Variants in DUSP4 observed in about 807,000 individuals in gnomAD.
The protein encoded by DUSP4 is dual specificity protein phosphatase 4.
A neutral mutation model predicts 27.2 loss-of-function variants in DUSP4; 12 were observed. The ratio of observed to expected loss-of-function variants is 0.44; its 90% confidence interval spans 0.28 to 0.71. The LOEUF (loss-of-function observed/expected upper bound fraction) is 0.71, where lower values mean the gene tolerates loss of function less well. Ranked by LOEUF, DUSP4 falls within the 30% of genes least tolerant of loss-of-function variation. The pLI is 0.14. For synonymous variants in DUSP4, 257 were observed against 245.2 expected, an observed-to-expected ratio of 1.05 and a Z score of -0.45; for missense variants, 448 against 551.3, an observed-to-expected ratio of 0.81 and a Z score of 1.88.
rs1429938550 is a variant in DUSP4, at chr8:29,333,611, C to T, written c.*3415G>A. 1 of 152,274 alleles carries T rather than the reference C, an allele frequency of 6.6e-6. No homozygotes were observed. 9.4% of individuals were successfully genotyped at this position (152,274 alleles called of 1,614,324 possible). ...AAGACAACCTGGCTCTGTGCTGTCA[C>T]ACCCAGCCTCCAACAGCGCCTTGAC... On this transcript the variant is annotated 3_prime_UTR_variant, in exon 4 of 4. Transcript: ENST00000240100.
chr8:29,345,558 G>C, intron 1 of DUSP4: 1 of 1,529,294 alleles, frequency 6.5e-7, no homozygotes, highest in East Asian at 2.5e-5. Flanking sequence ...GCCAGGAACT[G>C]CCTCCCGGTA....
intron 3 of DUSP4, 62 bp downstream of exon 3, chr8:29,338,219 AG>A: frequency 6.5e-7 from 1 of 1,544,920 alleles, no homozygotes; most frequent in Non-Finnish European, 8.9e-7. Flanking sequence ...CCAGGCTTAC[AG>A]GGGTTCCTTA....
At chr8:29,341,925 A>G (rs2117270542) in intron 1 of DUSP4, among the ~76,000 whole-genome samples, 1 of 152,314 alleles carries the variant, frequency 6.6e-6, no homozygotes, top group South Asian at 2.1e-4. Context: ...GTTACTCTAT[A>G]TACTTCTCTA....
chr8:29,337,355 G>A lies in DUSP4; in HGVS notation c.856C>T (p.Arg286Trp), dbSNP rs754204824. The A allele has an allele frequency of 2.5e-6, 4 of 1,611,138 alleles. No individual in the cohort carries two copies. In the South Asian group the frequency reaches 3.3e-5, roughly 13 times the overall value. ...VLVHCQAGIS[R>W]SATICLAYLM... ...TAGGCCAGGCAGATGGTGGCCGACC[G>A]CGAGATGCCCGCCTGGCAGTGCACC... Residue 286 changes from arginine (R) to tryptophan (W), a missense_variant, in exon 4 of 4, where the codon CGG becomes TGG. By Grantham distance (101) the Arg-to-Trp change is moderately radical. Transcript: ENST00000240100. This position sits in a 1 kb window ranked among gnomAD's most constrained non-coding sequence, Gnocchi z 6.4.
intron 1 of DUSP4, among the ~76,000 whole-genome samples, chr8:29,343,500 C>T (rs1462319164): frequency 1.3e-5 from 2 of 152,216 alleles, no homozygotes; most frequent in Non-Finnish European, 2.9e-5. Context: ...AGTAAGTCAT[C>T]TCTGGGTGTC....
chr8:29,350,329 G>C lies in DUSP4; in HGVS notation c.-51C>G, dbSNP rs577325097. On this transcript the variant is annotated 5_prime_UTR_variant, in exon 1 of 4. Coordinates refer to ENST00000240100, the MANE Select transcript of DUSP4 (RefSeq NM_001394.7). ...GCGCGCGAGGAAGAGAAGAGAACCC[G>C]GGCCGCCTAGGCTGCAGAAAGGGGC... The C allele has an allele frequency of 2.6e-6, 4 of 1,515,790 alleles. No homozygotes were observed. The highest frequency in any genetic ancestry group is 3.5e-6 in the Non-Finnish European group (4 of 1,136,764). 93.9% of individuals were successfully genotyped at this position (1,515,790 alleles called of 1,614,324 possible).
chr8:29,342,788 C>T (rs1817673095), intron 1 of DUSP4, among the ~76,000 whole-genome samples: 1 of 152,196 alleles, frequency 6.6e-6, no homozygotes, highest in Non-Finnish European at 1.5e-5. Flanking sequence ...TCGCAACTGT[C>T]TGGAAAAGGC....
At chr8:29,339,229 C>G (rs978515599) in intron 2 of DUSP4, among the ~76,000 whole-genome samples, 1 of 152,158 alleles carries the variant, frequency 6.6e-6, no homozygotes, top group Non-Finnish European at 1.5e-5. Context: ...GCCACACAGA[C>G]AAGAGAGAGG....
rs1477243068 is a variant in DUSP4, at chr8:29,340,258, G to T, written c.434-15C>A. Reference sequence around the variant, plus strand: ...CTCATAGCCGCCTGTAAAGGAGAAAGAAGCTCAGGTTAATGGGGTCACTAA... The same window carrying T: ...CTCATAGCCGCCTGTAAAGGAGAAATAAGCTCAGGTTAATGGGGTCACTAA... On this transcript the variant is annotated splice_polypyrimidine_tract_variant and intron_variant, in intron 1 of 3. Coordinates refer to ENST00000240100, the MANE Select transcript of DUSP4 (RefSeq NM_001394.7). 2 of 1,601,446 alleles carry T rather than the reference G, an allele frequency of 1.2e-6. No homozygotes were observed. The highest frequency in any genetic ancestry group is 1.7e-6 in the Non-Finnish European group (2 of 1,173,864).
rs1817542753 is a variant in DUSP4 at position 29,334,620 on chromosome 8, TG to T, written c.*2405del. 6.6e-6 allele frequency: 1 copy of T among 152,224 alleles called. No individual in the cohort carries two copies. The highest frequency in any genetic ancestry group is 1.5e-5 in the Non-Finnish European group (1 of 68,040). The allele number at this position is 152,224 out of a possible 1,614,324, so 9.4% of individuals were successfully genotyped here. On this transcript the variant is annotated 3_prime_UTR_variant, in exon 4 of 4. Coordinates refer to ENST00000240100, the MANE Select transcript of DUSP4 (RefSeq NM_001394.7). ...CAAACGTGTACTCGTTCTATAAAAA[TG>T]GAATCTGTTCTGCAGGTTACCGTCC...
At chr8:29,348,579 G>A in intron 1 of DUSP4, 1 of 985,562 alleles carries the variant, frequency 1.0e-6, no homozygotes, top group East Asian at 1.1e-4. Context: ...ACAACTGCGG[G>A]GAACAAAGCC....
Position 29,349,885 on chromosome 8 carries a change from G to T in DUSP4, c.394C>A (p.Arg132Ser). 1 of 1,525,342 alleles carries T rather than the reference G, an allele frequency of 6.6e-7. No individual in the cohort carries two copies. The allele number at this position is 1,525,342 out of a possible 1,614,324, so 94.5% of individuals were successfully genotyped here. ...STVSLVVQAL[R>S]RNAERTDICL... ...ATGTCGGTGCGCTCGGCGTTGCGGCGCAGCGCCTGCACCACCAGCGACACG... is the reference window on the plus strand; with the variant it reads ...ATGTCGGTGCGCTCGGCGTTGCGGCTCAGCGCCTGCACCACCAGCGACACG... The change falls in exon 1 of 4, where the codon CGC becomes AGC. Residue 132 changes from arginine (R) to serine (S), a missense_variant. By Grantham distance (110) the Arg-to-Ser change is moderately radical. Around this residue, in one of 3 missense-constraint regions of DUSP4, gnomAD observed 345 missense variants for 394.0 expected, o/e 0.88. Coordinates refer to ENST00000240100, the MANE Select transcript of DUSP4 (RefSeq NM_001394.7).
chr8:29,340,357 C>G (rs545204242), intron 1 of DUSP4, 114 bp from the exon 2 acceptor site: 2 of 1,369,718 alleles, frequency 1.5e-6, no homozygotes, highest in East Asian at 4.9e-5. Context: ...GGCTGGCGTG[C>G]TCCATATTGG....
chr8:29,348,168 G>A (rs1817762530), intron 1 of DUSP4: 2 of 985,458 alleles, frequency 2.0e-6, no homozygotes, highest in African/African-American at 3.5e-5. Context: ...CGCCAGCGAA[G>A]GAAGGCGCGC....
rs1334756007 is a variant in DUSP4, at chr8:29,334,157, C to T, written c.*2869G>A. The stretch of plus-strand genomic sequence containing the variant: ...AGCATTCCTCACTCTACAGAACACC[C>T]AATGAGCATCCTGTCTTTCATGGCT... On this transcript the variant is annotated 3_prime_UTR_variant, in exon 4 of 4. Transcript: ENST00000240100. The T allele has an allele frequency of 6.6e-6, 1 of 152,202 alleles. No individual in the cohort carries two copies. The highest frequency in any genetic ancestry group is 1.9e-4 in the East Asian group (1 of 5,190). 9.4% of individuals were successfully genotyped at this position (152,202 alleles called of 1,614,324 possible).
At chr8:29,349,824 A>G in intron 1 of DUSP4, 22 bp downstream of exon 1, 1 of 1,473,910 alleles carries the variant, frequency 6.8e-7, no homozygotes, top group South Asian at 1.4e-5. Context: ...GACTCCAGCT[A>G]GCGCCCGGAG....
At position 29,335,823 on chromosome 8, in the gene DUSP4, C is replaced by T. The variant is rs182743701; in HGVS notation, c.*1203G>A. The T allele has an allele frequency of 2.6e-5, 4 of 152,270 alleles. No homozygotes were observed. The highest frequency in any genetic ancestry group is 5.9e-5 in the Non-Finnish European group (4 of 68,022). The allele number at this position is 152,270 out of a possible 1,614,324, so 9.4% of individuals were successfully genotyped here. A position where few individuals can be genotyped will look rare whatever the true frequency, so the allele number is the denominator to read the frequency against. On this transcript the variant is annotated 3_prime_UTR_variant, in exon 4 of 4. Transcript: ENST00000240100. ...TGTAATATGGCATATTGATCACAGACGATAGACAAGTCTTAGGCAGGTTTA... is the reference window on the plus strand; with the variant it reads ...TGTAATATGGCATATTGATCACAGATGATAGACAAGTCTTAGGCAGGTTTA...
At chr8:29,341,584 G>A (rs1485772617) in intron 1 of DUSP4, among the ~76,000 whole-genome samples, 1 of 152,150 alleles carries the variant, frequency 6.6e-6, no homozygotes, top group East Asian at 1.9e-4. Context: ...TTCCTGCTGA[G>A]TCACAGTGAC....
intron 1 of DUSP4, chr8:29,345,614 G>A (rs1817721555): frequency 5.4e-6 from 8 of 1,485,958 alleles, no homozygotes; most frequent in Admixed American, 5.4e-5. Context: ...TTTTTTCAAG[G>A]AATTTCTTGG....
Sources: allele counts gnomAD v4.1 joint callset (sites outside exome capture counted in the v4.1 genomes callset), GRCh38; gene constraint gnomAD v4.1.1; regional missense constraint gnomAD v4.1.1; non-coding constraint Gnocchi (gnomAD v3.1); transcripts MANE v1.5; gene names NCBI Gene and HGNC (gene_info 2026-07-23, HGNC 2026-07-21).